ZAP70: variants seen among roughly 807,000 people sequenced by gnomAD.
ZAP70 encodes the protein zeta chain of T cell receptor associated protein kinase 70.
ZAP70 carries 27 observed loss-of-function variants against 65.8 expected under a neutral mutation model. The observed-to-expected ratio is 0.41, with a 90% CI of 0.30 to 0.57. The LOEUF is 0.57. ZAP70 is among the 20% of genes least tolerant of loss of function. The pLI is 0.28. For missense variants in ZAP70, 696 were observed against 870.5 expected, an observed-to-expected ratio of 0.80 and a Z score of 2.52; for synonymous variants, 363 against 360.8, an observed-to-expected ratio of 1.01 and a Z score of -0.07.
At chr2:97,740,015 C>A (rs1678082688), downstream of ZAP70, among the ~76,000 whole-genome samples, 1 of 152,098 alleles carries the variant, frequency 6.6e-6, no homozygotes, top group Non-Finnish European at 1.5e-5. Context: ...CTAGGGACAC[C>A]TTCATGTGAG....
chr2:97,729,258 G>C (rs1677509851), intron 4 of ZAP70, among the ~76,000 whole-genome samples: 1 of 152,194 alleles, frequency 6.6e-6, no homozygotes, highest in African/African-American at 2.4e-5. Flanking sequence ...TTATACATAA[G>C]GAAACCGAGG....
downstream of ZAP70, among the ~76,000 whole-genome samples, chr2:97,742,999 A>G (rs564369875): frequency 2.4e-4 from 37 of 152,254 alleles, no homozygotes; most frequent in African/African-American, 8.7e-4. Context: ...TCTTTGTCCC[A>G]CCCTGCCCAA....
rs1327571679 is a variant in ZAP70, at chr2:97,736,898, CAG to C, written c.1290-574_1290-573del. Among the ~76,000 whole-genome samples, 3 of 152,020 alleles carry C rather than the reference CAG, an allele frequency of 2.0e-5. No individual in the cohort carries two copies. The highest frequency in any genetic ancestry group is 7.2e-5 in the African/African-American group (3 of 41,380). On this transcript the variant is annotated intron_variant, in intron 10 of 13. Coordinates refer to ENST00000264972, the MANE Select transcript of ZAP70 (RefSeq NM_001079.4). The surrounding 1 kb of genome is among the most constrained non-coding windows in gnomAD (Gnocchi z 4.0). ...AGCAGAGGAGGGGGAGGACCTGACT[CAG>C]GGGCAGAGAGGACAAGACAGTGGGA...
At chr2:97,714,293 C>T (rs942838506) in intron 2 of ZAP70, among the ~76,000 whole-genome samples, 1 of 152,144 alleles carries the variant, frequency 6.6e-6, no homozygotes, top group African/African-American at 2.4e-5. Context: ...CCTTGGCTCT[C>T]GGAGGCAGAG....
At chr2:97,725,706 G>C (rs575668988) in intron 4 of ZAP70, among the ~76,000 whole-genome samples, 2 of 152,232 alleles carry the variant, frequency 1.3e-5, no homozygotes, top group East Asian at 1.9e-4. Flanking sequence ...GGTAAGCGCC[G>C]TGTGTGCAGG....
chr2:97,714,249 C>T (rs1158808791), intron 2 of ZAP70, among the ~76,000 whole-genome samples: 1 of 152,114 alleles, frequency 6.6e-6, no homozygotes, highest in Non-Finnish European at 1.5e-5. Flanking sequence ...CCTGCTCAGT[C>T]CCTGGGCTCC....
chr2:97,721,884 T>G (rs1465657236), intron 2 of ZAP70, among the ~76,000 whole-genome samples: 1 of 151,534 alleles, frequency 6.6e-6, no homozygotes, highest in Admixed American at 6.6e-5. Flanking sequence ...CCTCCCAGGT[T>G]CAAGCAATTC....
In ZAP70 at chr2:97,737,578, C is replaced by A; in HGVS notation, c.1395C>A (p.Arg465=). ...TTGTGCACCGTGACCTGGCGGCCCG[C>A]AACGTCCTGCTGGTTAACCGGCACT... is the stretch of plus-strand genomic sequence containing the variant. ...KNFVHRDLAA[R]NVLLVNRHYA... Residue 465 remains arginine (R), a synonymous_variant, in exon 11 of 14, where the codon CGC becomes CGA. Coordinates refer to ENST00000264972, the MANE Select transcript of ZAP70 (RefSeq NM_001079.4). The surrounding 1 kb of genome is among the most constrained non-coding windows in gnomAD (Gnocchi z 5.0). 1 of 1,614,146 alleles carries A rather than the reference C, an allele frequency of 6.2e-7. No homozygotes were observed. The highest frequency in any genetic ancestry group is 8.5e-7 in the Non-Finnish European group (1 of 1,179,990).
chr2:97,745,642 C>T, the ZAP70 span, among the ~76,000 whole-genome samples: 7 of 152,146 alleles, frequency 4.6e-5, no homozygotes. Flanking sequence ...CTAGGATGGC[C>T]GTGTGCACAC....
In ZAP70 at chr2:97,736,994, C is replaced by T. The variant is rs185447367; in HGVS notation, c.1290-479C>T. Among the ~76,000 whole-genome samples, 39 of 152,124 alleles carry T rather than the reference C, an allele frequency of 2.6e-4. 3 individuals are homozygous for T. In the East Asian group the frequency reaches 4.8e-3, roughly 19 times the overall value. ...CTGGGGGTCCAGGTGAGTGATGCTG[C>T]GGCTGCTTCCCGGTGGCAGAGGCAG... On this transcript the variant is annotated intron_variant, in intron 10 of 13. Transcript: ENST00000264972. The surrounding 1 kb of genome is among the most constrained non-coding windows in gnomAD (Gnocchi z 4.0).
chr2:97,746,266 G>A, the ZAP70 span, among the ~76,000 whole-genome samples: 1 of 152,194 alleles, frequency 6.6e-6, no homozygotes, highest in Non-Finnish European at 1.5e-5. Context: ...GCACAACACT[G>A]TGAATGTAAT....
At chr2:97,741,347 C>T (rs113607845), downstream of ZAP70, among the ~76,000 whole-genome samples, 220 of 152,346 alleles carry the variant, frequency 1.4e-3, 1 homozygote, top group African/African-American at 5.0e-3. Context: ...CGCGGACTCC[C>T]CTCTGGGCCT....
rs796509420 is a variant in ZAP70, at chr2:97,721,580, ATTTTTTTTTTTT to A, written c.-21-2422_-21-2411del. Among the ~76,000 whole-genome samples the A allele has an allele frequency of 7.1e-4, 58 of 81,172 alleles. 1 individual carries two copies. Among genetic ancestry groups the A allele is most frequent in the Non-Finnish European group, 8.6e-4 (37 of 43,124 alleles). The allele number at this position is 81,172 out of a possible 152,430, so 53.3% of individuals were successfully genotyped here. Reference sequence around the variant, plus strand: ...AGGCGCCCGCCACCATGGCTGGCTGATTTTTTTTTTTTTTTTTTTTTTTTTGTATTTTTAGTA... The same window carrying A: ...AGGCGCCCGCCACCATGGCTGGCTGATTTTTTTTTTTTTGTATTTTTAGTA... On this transcript the variant is annotated intron_variant, in intron 2 of 13. Coordinates refer to ENST00000264972, the MANE Select transcript of ZAP70 (RefSeq NM_001079.4).
At chr2:97,717,406 G>A (rs1676976353) in intron 2 of ZAP70, among the ~76,000 whole-genome samples, 2 of 145,952 alleles carry the variant, frequency 1.4e-5, no homozygotes, top group Non-Finnish European at 3.0e-5. Context: ...GACATGCGGA[G>A]CCTCTGAGCC....
the ZAP70 span, among the ~76,000 whole-genome samples, chr2:97,749,661 T>C: frequency 3.3e-5 from 5 of 152,234 alleles, no homozygotes; most frequent in African/African-American, 1.2e-4. Flanking sequence ...TTTGTGGGCA[T>C]AGGAATCTGA....
chr2:97,752,928 G>T, the ZAP70 span, among the ~76,000 whole-genome samples: 1 of 152,134 alleles, frequency 6.6e-6, no homozygotes, highest in African/African-American at 2.4e-5. Context: ...AGTAAAATTA[G>T]GACAAGGCTA....
Position 97,738,020 on chromosome 2 carries a change from C to A in ZAP70, c.1649C>A (p.Ala550Asp), listed in dbSNP as rs760966849. ...AAGATGAAAGGGCCGGAGGTCATGGCCTTCATCGAGCAGGGCAAGCGGATG... is the reference window on the plus strand; with the variant it reads ...AAGATGAAAGGGCCGGAGGTCATGGACTTCATCGAGCAGGGCAAGCGGATG... The part of the protein sequence containing the change: ...YKKMKGPEVM[A>D]FIEQGKRMEC... The change falls in exon 13 of 14, where the codon GCC (alanine) becomes GAC (aspartate). Residue 550 changes from alanine (A) to aspartate (D), a missense_variant. By Grantham distance (126) the Ala-to-Asp change is moderately radical (BLOSUM62 -2). Coordinates refer to ENST00000264972, the MANE Select transcript of ZAP70 (RefSeq NM_001079.4). The A allele has an allele frequency of 1.2e-6, 2 of 1,613,418 alleles. No individual in the cohort carries two copies. Among genetic ancestry groups the A allele is most frequent in the Non-Finnish European group, 1.7e-6 (2 of 1,179,544 alleles).
chr2:97,724,976 C>A, intron 3 of ZAP70, 116 bp from the exon 4 acceptor site: 4 of 1,548,640 alleles, frequency 2.6e-6, no homozygotes, highest in Non-Finnish European at 3.5e-6. Context: ...CTGCCTAACA[C>A]GCGCTAGGGA....
chr2:97,735,539 C>A, intron 10 of ZAP70, 83 bp downstream of exon 10: 1 of 1,490,030 alleles, frequency 6.7e-7, no homozygotes, highest in African/African-American at 1.4e-5. Flanking sequence ...CGCGTGCATG[C>A]GTGTGTGGGA....
Sources: allele counts gnomAD v4.1 joint callset (sites outside exome capture counted in the v4.1 genomes callset), GRCh38; gene constraint gnomAD v4.1.1; non-coding constraint Gnocchi (gnomAD v3.1); transcripts MANE v1.5; gene names NCBI Gene and HGNC (gene_info 2026-07-23, HGNC 2026-07-21).